Variants in FRMD4A observed in about 807,000 individuals in gnomAD.
FRMD4A encodes FERM domain containing 4A.
Under a neutral mutation model 129.1 loss-of-function variants are expected in FRMD4A, and 29 were observed. That is an observed-to-expected ratio of 0.22 (90% CI 0.17 to 0.31). The LOEUF (loss-of-function observed/expected upper bound fraction) is 0.31. Ranked by LOEUF, FRMD4A falls within the 10% of genes least tolerant of loss-of-function variation. The pLI is 1.00. For missense variants in FRMD4A, 1,272 were observed against 1,375.8 expected (o/e 0.92, Z 1.19); for synonymous variants, 634 against 571.6 (o/e 1.11, Z -1.56).
intron 6 of FRMD4A, among the ~76,000 whole-genome samples, chr10:13,774,249 G>C (rs953348505): frequency 6.6e-6 from 1 of 152,198 alleles, no homozygotes; most frequent in African/African-American, 2.4e-5. Context: ...ATTGTATAAA[G>C]TAGGGGGGTG....
chr10:13,854,628 C>T (rs1219243585), intron 3 of FRMD4A, among the ~76,000 whole-genome samples: 6 of 143,088 alleles, frequency 4.2e-5, no homozygotes, highest in African/African-American at 1.6e-4. Flanking sequence ...GGCAGGGTTT[C>T]ACCATGTTGG....
chr10:13,944,557 T>C (rs748363545), intron 2 of FRMD4A, among the ~76,000 whole-genome samples: 1 of 152,000 alleles, frequency 6.6e-6, no homozygotes, highest in Admixed American at 6.6e-5. Context: ...CTTGGAAAAA[T>C]TGTCTTCCAT....
intron 2 of FRMD4A, among the ~76,000 whole-genome samples, chr10:14,106,454 G>A (rs1837592418): frequency 6.6e-6 from 1 of 152,136 alleles, no homozygotes; most frequent in African/African-American, 2.4e-5. Context: ...GTTGTTTCTA[G>A]GACTTTGCAG....
intron 2 of FRMD4A, among the ~76,000 whole-genome samples, chr10:13,878,197 T>A (rs2094507768): frequency 7.5e-6 from 1 of 132,574 alleles, no homozygotes. Context: ...CAGCAGGAGG[T>A]AATTACTGTG....
At chr10:13,713,995 T>TATATATATATAAA (rs2088403806) in intron 12 of FRMD4A, among the ~76,000 whole-genome samples, 4 of 71,294 alleles carry the variant, frequency 5.6e-5, no homozygotes, top group East Asian at 4.5e-4. Flanking sequence ...ACATATATAA[T>TATATATATATAAA]ATACATATAT....
chr10:14,104,822 C>T (rs1053690923), intron 2 of FRMD4A, among the ~76,000 whole-genome samples: 2 of 152,240 alleles, frequency 1.3e-5, no homozygotes, highest in Non-Finnish European at 2.9e-5. Context: ...CCAGGGAAAA[C>T]CAAACCATCT....
chr10:14,062,769 AAGACCCAGTC>A (rs1371099489), intron 2 of FRMD4A, among the ~76,000 whole-genome samples: 2 of 152,318 alleles, frequency 1.3e-5, no homozygotes, highest in East Asian at 3.9e-4. Flanking sequence ...TGATTCATCA[AAGACCCAGTC>A]CTGGCCAGGC....
chr10:14,142,291 T>C (rs1237201566), intron 2 of FRMD4A, among the ~76,000 whole-genome samples: 2 of 152,196 alleles, frequency 1.3e-5, no homozygotes, highest in African/African-American at 4.8e-5. Flanking sequence ...AGTCTCCAAG[T>C]TGTTGAGCAC....
At chr10:13,928,567 A>T (rs1406468) in intron 2 of FRMD4A, among the ~76,000 whole-genome samples, 94,938 of 152,074 alleles carry the variant, frequency 0.62, 30,442 homozygotes, top group East Asian at 0.98. Context: ...TGGTTTTTTA[A>T]CTTAGCTGCT....
At chr10:14,132,484 A>G (rs1839312103) in intron 2 of FRMD4A, among the ~76,000 whole-genome samples, 1 of 152,126 alleles carries the variant, frequency 6.6e-6, no homozygotes, top group Admixed American at 6.5e-5. Context: ...TCCCCTTTTA[A>G]TGTCCACGAC....
intron 2 of FRMD4A, among the ~76,000 whole-genome samples, chr10:14,128,444 G>A: frequency 6.6e-6 from 1 of 152,052 alleles, no homozygotes; most frequent in East Asian, 1.9e-4. Context: ...AGTACACATG[G>A]TCTCCCCTTC....
intron 11 of FRMD4A, among the ~76,000 whole-genome samples, chr10:13,739,977 G>A (rs1013539013): frequency 6.6e-6 from 1 of 152,230 alleles, no homozygotes; most frequent in African/African-American, 2.4e-5. Context: ...GCGCATGCCT[G>A]TAATCCCAGC....
intron 2 of FRMD4A, among the ~76,000 whole-genome samples, chr10:14,216,341 C>A (rs918901985): frequency 6.6e-6 from 1 of 152,072 alleles, no homozygotes; most frequent in African/African-American, 2.4e-5. Context: ...ATCACGTTTG[C>A]ACTTCCAATA....
intron 2 of FRMD4A, among the ~76,000 whole-genome samples, chr10:14,268,008 A>C (rs1008085292): frequency 1.3e-5 from 2 of 152,190 alleles, no homozygotes; most frequent in Non-Finnish European, 2.9e-5. Context: ...AAAATTTATA[A>C]AATAATACGC....
intron 14 of FRMD4A, among the ~76,000 whole-genome samples, chr10:13,697,129 T>C (rs1258004875): frequency 1.3e-5 from 2 of 151,090 alleles, no homozygotes; most frequent in African/African-American, 4.9e-5. Flanking sequence ...GGAAGCCTTA[T>C]GGAAGCTTTA....
rs563266669 is a variant in FRMD4A at position 13,673,180 on chromosome 10, G to A, written c.1251+1731C>T. Among the ~76,000 whole-genome samples the A allele has an allele frequency of 7.9e-5, 12 of 152,128 alleles. No homozygotes were observed. The East Asian group carries it at 1.5e-3, about 20-fold the overall frequency. ...TCATATTTTTTCCAATCCTTCAAGC[G>A]TATTCTTTATAAAAATGTTGCTAAT... On this transcript the variant is annotated intron_variant, in intron 16 of 24. Coordinates refer to ENST00000357447, the MANE Select transcript of FRMD4A (RefSeq NM_018027.5).
At chr10:13,939,395 G>T (rs2095273600) in intron 2 of FRMD4A, among the ~76,000 whole-genome samples, 1 of 152,030 alleles carries the variant, frequency 6.6e-6, no homozygotes, top group Non-Finnish European at 1.5e-5. Context: ...TAATTTTTCA[G>T]GAAGCATTTT....
intron 2 of FRMD4A, among the ~76,000 whole-genome samples, chr10:13,989,869 T>G (rs1565160786): frequency 6.6e-6 from 1 of 152,212 alleles, no homozygotes; most frequent in Non-Finnish European, 1.5e-5. Context: ...AATGATTCAT[T>G]GTTTATTGAA....
chr10:13,676,198 C>G (rs929889411), intron 15 of FRMD4A, among the ~76,000 whole-genome samples: 2 of 151,988 alleles, frequency 1.3e-5, no homozygotes, highest in Admixed American at 1.3e-4. Flanking sequence ...CTTTTTCTAC[C>G]TTGATGGGTT....
Sources: allele counts gnomAD v4.1 joint callset (sites outside exome capture counted in the v4.1 genomes callset), GRCh38; gene constraint gnomAD v4.1.1; transcripts MANE v1.5; gene names NCBI Gene and HGNC (gene_info 2026-07-23, HGNC 2026-07-21).